The following LYPLAL1 variants were observed in gnomAD, a reference collection of about 807,000 sequenced individuals.
LYPLAL1 encodes the protein lysophospholipase-like protein 1.
Under a neutral mutation model 19.7 loss-of-function variants are expected in LYPLAL1, and 23 were observed. That is an observed-to-expected ratio of 1.17 (90% CI 0.84 to 1.65). The LOEUF is 1.65. Among genes scored for constraint, LYPLAL1 ranks in the 40% most tolerant of loss-of-function variants. LYPLAL1 has a pLI of 0.00. For missense variants in LYPLAL1, 355 were observed against 279.4 expected (o/e 1.27, Z -1.93); for synonymous variants, 119 against 96.3 (o/e 1.24, Z -1.38).
chr1:219,211,384 G>T, intron 4 of LYPLAL1, 108 bp from the exon 5 acceptor site: 1 of 776,190 alleles, frequency 1.3e-6, no homozygotes, highest in Non-Finnish European at 2.1e-6. Flanking sequence ...TTTCCCATTA[G>T]TTATTGAAGC....
the LYPLAL1 span, among the ~76,000 whole-genome samples, chr1:219,237,187 A>G: frequency 6.6e-6 from 1 of 152,234 alleles, no homozygotes. Context: ...TGAGGCTGAG[A>G]ATATTTTAGT....
the LYPLAL1 span, among the ~76,000 whole-genome samples, chr1:219,413,805 T>C: frequency 1.3e-5 from 2 of 152,352 alleles, no homozygotes; most frequent in East Asian, 3.9e-4. Flanking sequence ...TGCTAGGCAC[T>C]GGAAGCACAA....
the LYPLAL1 span, among the ~76,000 whole-genome samples, chr1:219,325,350 T>G: frequency 7.2e-5 from 11 of 152,198 alleles, no homozygotes; most frequent in African/African-American, 2.4e-4. Context: ...TACAACATTG[T>G]TAAGTCGTAG....
At chr1:219,177,983 C>T (rs752070435) in intron 1 of LYPLAL1, among the ~76,000 whole-genome samples, 2 of 152,194 alleles carry the variant, frequency 1.3e-5, no homozygotes, top group Non-Finnish European at 2.9e-5. Context: ...ATCCTGGCAC[C>T]TGCCCTTTCC....
the LYPLAL1 span, among the ~76,000 whole-genome samples, chr1:219,285,656 G>A: frequency 1.3e-4 from 20 of 151,964 alleles, no homozygotes; most frequent in African/African-American, 4.3e-4. Context: ...TATGTGAAAC[G>A]TCCAGAATAG....
At chr1:219,350,026 G>C in the LYPLAL1 span, among the ~76,000 whole-genome samples, 1 of 152,188 alleles carries the variant, frequency 6.6e-6, no homozygotes, top group African/African-American at 2.4e-5. Context: ...TGAGATTAGA[G>C]TGAGGTTCCA....
chr1:219,265,461 C>T, the LYPLAL1 span, among the ~76,000 whole-genome samples: 54 of 152,188 alleles, frequency 3.5e-4, no homozygotes, highest in Non-Finnish European at 5.3e-4. Context: ...TGTAAAACGG[C>T]GCTTGATTGT....
chr1:219,386,658 T>C, the LYPLAL1 span, among the ~76,000 whole-genome samples: 1 of 152,188 alleles, frequency 6.6e-6, no homozygotes, highest in African/African-American at 2.4e-5. Flanking sequence ...TGTACCCAGA[T>C]CTTCTTTCTT....
At chr1:219,399,996 G>A in the LYPLAL1 span, among the ~76,000 whole-genome samples, 1 of 152,172 alleles carries the variant, frequency 6.6e-6, no homozygotes, top group Non-Finnish European at 1.5e-5. Context: ...AGTGTCTGTG[G>A]TGGTCAAGGG....
At chr1:219,201,838 C>T (rs928498138) in intron 3 of LYPLAL1, among the ~76,000 whole-genome samples, 1 of 152,190 alleles carries the variant, frequency 6.6e-6, no homozygotes, top group Admixed American at 6.5e-5. Flanking sequence ...AACATTAGTG[C>T]TATTACCCCA....
At chr1:219,302,417 C>T in the LYPLAL1 span, among the ~76,000 whole-genome samples, 4 of 152,112 alleles carry the variant, frequency 2.6e-5, no homozygotes, top group Admixed American at 2.6e-4. Context: ...CACTATTCCC[C>T]TCTCCACCCC....
At chr1:219,361,488 T>C in the LYPLAL1 span, among the ~76,000 whole-genome samples, 1 of 152,156 alleles carries the variant, frequency 6.6e-6, no homozygotes, top group Non-Finnish European at 1.5e-5. Context: ...ACCCAAGCTA[T>C]TTCTCAGTGT....
At chr1:219,259,437 A>T in the LYPLAL1 span, among the ~76,000 whole-genome samples, 2 of 144,378 alleles carry the variant, frequency 1.4e-5, no homozygotes, top group African/African-American at 5.5e-5. Context: ...ATATGTATAT[A>T]TACCATGGAA....
the LYPLAL1 span, among the ~76,000 whole-genome samples, chr1:219,243,713 A>G: frequency 6.6e-6 from 1 of 152,072 alleles, no homozygotes; most frequent in Non-Finnish European, 1.5e-5. Context: ...TGAGGTCAGG[A>G]GTTCAAGACC....
At chr1:219,324,219 T>C in the LYPLAL1 span, among the ~76,000 whole-genome samples, 3 of 152,360 alleles carry the variant, frequency 2.0e-5, 1 homozygote, top group Non-Finnish European at 4.4e-5. Context: ...TAATTCTCAC[T>C]CTGTAACTTA....
the LYPLAL1 span, among the ~76,000 whole-genome samples, chr1:219,441,209 G>T: frequency 4.6e-5 from 7 of 152,156 alleles, no homozygotes; most frequent in Non-Finnish European, 1.0e-4. Flanking sequence ...TTTTGATGCT[G>T]ATTTGAAGAT....
At chr1:219,267,896 T>C in the LYPLAL1 span, among the ~76,000 whole-genome samples, 1 of 152,212 alleles carries the variant, frequency 6.6e-6, no homozygotes, top group Non-Finnish European at 1.5e-5. Context: ...GAATTTTCTT[T>C]GGTTGAGCCC....
the LYPLAL1 span, among the ~76,000 whole-genome samples, chr1:219,353,322 A>G: frequency 1.3e-5 from 2 of 152,244 alleles, no homozygotes; most frequent in Non-Finnish European, 2.9e-5. Flanking sequence ...GATTCTACAT[A>G]ATGGTTCCTT....
Position 219,211,674 on chromosome 1 carries a change from A to G in LYPLAL1, c.660A>G (p.Ile220Met). ...AGCTAAGCAAAACTGAGTTAGACAT[A>G]TTGAAGTTATGGATTCTTACAAAGC... ...YHELSKTELD[I>M]LKLWILTKLP... Residue 220 changes from isoleucine to methionine, a missense_variant, in exon 5 of 5, where the codon ATA (isoleucine) becomes ATG (methionine). By Grantham distance (10) the Ile-to-Met change is conservative (BLOSUM62 1). Transcript: ENST00000366928. The G allele has an allele frequency of 6.2e-7, 1 of 1,612,854 alleles. No homozygotes were observed. Among genetic ancestry groups the G allele is most frequent in the Non-Finnish European group, 8.5e-7 (1 of 1,179,384 alleles).
Sources: allele counts gnomAD v4.1 joint callset (sites outside exome capture counted in the v4.1 genomes callset), GRCh38; gene constraint gnomAD v4.1.1; transcripts MANE v1.5; gene names NCBI Gene and HGNC (gene_info 2026-07-23, HGNC 2026-07-21).